The following TANC2 variants were observed in gnomAD, a reference collection of about 807,000 sequenced individuals.
The protein encoded by TANC2 is tetratricopeptide repeat, ankyrin repeat and coiled-coil containing 2, also known as protein TANC2.
In TANC2, 26 loss-of-function variants were observed where a neutral mutation model predicts 210.5. The observed-to-expected ratio is 0.12, with a 90% CI of 0.09 to 0.17. The LOEUF is 0.17. Among genes scored for constraint, TANC2 ranks in the 10% least tolerant of loss-of-function variants. The pLI, the probability that TANC2 is intolerant of heterozygous loss-of-function variation, is 1.00. For missense variants in TANC2, 2,129 were observed against 2,608.9 expected (o/e 0.82, Z 4.01); for synonymous variants, 931 against 967.1 (o/e 0.96, Z 0.69).
chr17:63,389,662 AGAG>A (rs1447910691), intron 17 of TANC2, 118 bp downstream of exon 17: 25 of 973,256 alleles, frequency 2.6e-5, no homozygotes, highest in Non-Finnish European at 3.7e-5. Flanking sequence ...ACCATGATGG[AGAG>A]GAGATCAGAG....
At chr17:63,365,908 C>T (rs1437810623) in intron 14 of TANC2, among the ~76,000 whole-genome samples, 1 of 152,022 alleles carries the variant, frequency 6.6e-6, no homozygotes, top group East Asian at 1.9e-4. Context: ...ACACTTATCA[C>T]AATTTATTAT....
intron 14 of TANC2, among the ~76,000 whole-genome samples, chr17:63,366,204 C>T (rs185162563): frequency 1.3e-4 from 20 of 152,120 alleles, no homozygotes; most frequent in South Asian, 1.0e-3. Context: ...TGCCATGCCT[C>T]GGGAGTTAAG....
chr17:63,103,114 C>CATAGA (rs201833987), intron 4 of TANC2, among the ~76,000 whole-genome samples: 2,158 of 152,224 alleles, frequency 0.014, 53 homozygotes, highest in African/African-American at 0.049. Context: ...CATAGGTTTT[C>CATAGA]CTGATCTTTA....
At chr17:63,032,282 G>A (rs12051630) in intron 2 of TANC2, among the ~76,000 whole-genome samples, 34,726 of 152,010 alleles carry the variant, frequency 0.23, 4,205 homozygotes, top group South Asian at 0.35. Context: ...TAGGTCTGGT[G>A]TCCACCCTTT....
At chr17:63,195,887 A>C in intron 6 of TANC2, among the ~76,000 whole-genome samples, 1 of 151,000 alleles carries the variant, frequency 6.6e-6, no homozygotes, top group African/African-American at 2.4e-5. Context: ...ATCACTTCCT[A>C]CCCCTCTCCC....
intron 3 of TANC2, among the ~76,000 whole-genome samples, chr17:63,089,766 T>G (rs909116721): frequency 6.6e-6 from 1 of 152,264 alleles, no homozygotes; most frequent in Admixed American, 6.5e-5. Flanking sequence ...AAATTATGCA[T>G]TGTTATTGTG....
chr17:63,411,733 T>C, intron 22 of TANC2, 47 bp downstream of exon 22: 2 of 1,564,176 alleles, frequency 1.3e-6, no homozygotes, highest in African/African-American at 1.4e-5. Context: ...GAGGGGCTAT[T>C]CTCCATCCAT....
chr17:63,215,399 A>T (rs982894448), intron 7 of TANC2, among the ~76,000 whole-genome samples: 1 of 152,080 alleles, frequency 6.6e-6, no homozygotes, highest in African/African-American at 2.4e-5. Flanking sequence ...ATACCTTTGA[A>T]TTTTCCGAGT....
At chr17:63,210,326 C>T (rs139127672) in intron 7 of TANC2, among the ~76,000 whole-genome samples, 9 of 152,340 alleles carry the variant, frequency 5.9e-5, no homozygotes, top group Non-Finnish European at 1.0e-4. Flanking sequence ...TTCTTTTCAT[C>T]ATGGACACAT....
intron 2 of TANC2, among the ~76,000 whole-genome samples, chr17:63,037,311 G>A (rs1319747623): frequency 6.6e-6 from 1 of 151,956 alleles, no homozygotes; most frequent in Non-Finnish European, 1.5e-5. Context: ...TGAGCAGGAT[G>A]GCTTGAGATT....
chr17:63,201,043 G>A, intron 7 of TANC2, 86 bp downstream of exon 7: 1 of 1,273,650 alleles, frequency 7.9e-7, no homozygotes, highest in Admixed American at 2.8e-5. Context: ...TAAAAATTCT[G>A]CTTTTGAATT....
At chr17:63,007,404 A>T (rs1031649830) in intron 1 of TANC2, among the ~76,000 whole-genome samples, 23 of 152,092 alleles carry the variant, frequency 1.5e-4, no homozygotes, top group African/African-American at 4.8e-4. Context: ...GTCATTTTGC[A>T]TTCAGTTCAT....
chr17:63,336,238 A>G (rs1357753780), intron 11 of TANC2, among the ~76,000 whole-genome samples: 1 of 152,246 alleles, frequency 6.6e-6, no homozygotes, highest in African/African-American at 2.4e-5. Flanking sequence ...ATGAAAAGGA[A>G]CATGGAGAGT....
chr17:63,117,652 A>AT (rs2145096889), intron 4 of TANC2, among the ~76,000 whole-genome samples: 1 of 152,360 alleles, frequency 6.6e-6, no homozygotes, highest in Admixed American at 6.5e-5. Flanking sequence ...AGTGTGGGTC[A>AT]TTCCTGATGT....
intron 9 of TANC2, among the ~76,000 whole-genome samples, chr17:63,304,539 T>C (rs1242075188): frequency 6.6e-6 from 1 of 152,152 alleles, no homozygotes; most frequent in Non-Finnish European, 1.5e-5. Context: ...ACAACCCCTG[T>C]TGGAGATTCT....
chr17:63,394,694 C>T (rs1422958501), intron 17 of TANC2, among the ~76,000 whole-genome samples: 1 of 152,212 alleles, frequency 6.6e-6, no homozygotes, highest in Non-Finnish European at 1.5e-5. Context: ...CAAGATAGAC[C>T]TTTCTGTCTG....
exon 10 of TANC2, chr17:63,314,532 G>A: frequency 6.2e-7 from 1 of 1,613,952 alleles, no homozygotes; most frequent in South Asian, 1.1e-5. Flanking sequence ...TCAAATGCCA[G>A]CGTGAACCAA....
At chr17:63,101,500 G>A (rs1353437317) in intron 4 of TANC2, among the ~76,000 whole-genome samples, 4 of 151,986 alleles carry the variant, frequency 2.6e-5, no homozygotes, top group African/African-American at 9.7e-5. Flanking sequence ...TCTTGTCTCT[G>A]GCACAGTTAA....
intron 17 of TANC2, chr17:63,391,361 T>C (rs897865281): frequency 1.3e-5 from 2 of 152,218 alleles, no homozygotes; most frequent in African/African-American, 4.8e-5. Context: ...CTCATTAAAA[T>C]GATAAGCTTT....
Sources: allele counts gnomAD v4.1 joint callset (sites outside exome capture counted in the v4.1 genomes callset), GRCh38; gene constraint gnomAD v4.1.1; transcripts MANE v1.5; gene names NCBI Gene and HGNC (gene_info 2026-07-23, HGNC 2026-07-21).